DENND1A: variants seen among roughly 807,000 people sequenced by gnomAD.
The protein encoded by DENND1A is DENN domain-containing protein 1A.
DENND1A carries 51 observed loss-of-function variants against 113.7 expected under a neutral mutation model. The observed-to-expected ratio is 0.45, with a 90% CI of 0.36 to 0.57. The LOEUF (loss-of-function observed/expected upper bound fraction) is 0.57, where lower values mean the gene tolerates loss of function less well. Among genes scored for constraint, DENND1A ranks in the 20% least tolerant of loss-of-function variants. The pLI is 0.00. For synonymous variants in DENND1A, 565 were observed against 570.8 expected, an observed-to-expected ratio of 0.99 and a Z score of 0.14; for missense variants, 1,258 against 1,395.9, an observed-to-expected ratio of 0.90 and a Z score of 1.57.
At chr9:123,730,585 T>C (rs2068089225) in intron 5 of DENND1A, among the ~76,000 whole-genome samples, 1 of 152,074 alleles carries the variant, frequency 6.6e-6, no homozygotes, top group African/African-American at 2.4e-5. Flanking sequence ...AGAATGGCAA[T>C]CATTAAAAAG....
intron 9 of DENND1A, among the ~76,000 whole-genome samples, chr9:123,639,039 T>TAAAAAAAAAAAAAAAAAAAA (rs750972974): frequency 1.0e-3 from 33 of 32,090 alleles, no homozygotes; most frequent in Admixed American, 1.5e-3. Flanking sequence ...GCATGAGTAG[T>TAAAAAAAAAAAAAAAAAAAA]AAAAAAAAAA....
At chr9:123,604,705 A>C (rs770616256) in intron 11 of DENND1A, among the ~76,000 whole-genome samples, 33 of 152,222 alleles carry the variant, frequency 2.2e-4, no homozygotes, top group Non-Finnish European at 3.5e-4. Context: ...TGTCACTCCC[A>C]AGCCTGGTAC....
At chr9:123,784,590 G>T (rs1831826469) in intron 3 of DENND1A, among the ~76,000 whole-genome samples, 1 of 152,170 alleles carries the variant, frequency 6.6e-6, no homozygotes, top group African/African-American at 2.4e-5. Context: ...TAACTTACTA[G>T]AAACAAGACC....
chr9:123,687,620 G>T (rs1050120642), intron 5 of DENND1A, among the ~76,000 whole-genome samples: 1 of 152,226 alleles, frequency 6.6e-6, no homozygotes, highest in Non-Finnish European at 1.5e-5. Flanking sequence ...TGGCAACAAA[G>T]ACAGACGGGA....
intron 12 of DENND1A, among the ~76,000 whole-genome samples, chr9:123,559,303 T>C (rs557847982): frequency 5.9e-5 from 9 of 152,248 alleles, no homozygotes; most frequent in Non-Finnish European, 1.2e-4. Flanking sequence ...TAATGATTGG[T>C]TTTAAGCATG....
At chr9:123,859,293 T>C (rs1469779259) in intron 2 of DENND1A, among the ~76,000 whole-genome samples, 1 of 152,098 alleles carries the variant, frequency 6.6e-6, no homozygotes, top group Non-Finnish European at 1.5e-5. Context: ...CATGAACACT[T>C]TCTCTTCATT....
chr9:123,475,169 C>T (rs1393807833), intron 13 of DENND1A, among the ~76,000 whole-genome samples: 2 of 152,114 alleles, frequency 1.3e-5, no homozygotes, highest in Non-Finnish European at 2.9e-5. Context: ...CAGGCGCCCG[C>T]CAACACGCCC....
At chr9:123,410,515 G>A (rs557007403) in intron 20 of DENND1A, among the ~76,000 whole-genome samples, 6 of 152,276 alleles carry the variant, frequency 3.9e-5, no homozygotes, top group Middle Eastern at 3.4e-3. Flanking sequence ...GACTCGCGAC[G>A]GTCACAGGGG....
At chr9:123,497,832 G>GA (rs1490487042) in intron 13 of DENND1A, among the ~76,000 whole-genome samples, 10 of 111,178 alleles carry the variant, frequency 9.0e-5, no homozygotes, top group South Asian at 6.0e-4. Flanking sequence ...AAAAAAAAAA[G>GA]AAAAAATCTA....
chr9:123,810,068 T>A (rs548311345), intron 2 of DENND1A, among the ~76,000 whole-genome samples: 69 of 152,362 alleles, frequency 4.5e-4, no homozygotes, highest in African/African-American at 1.4e-3. Flanking sequence ...TCCCTCTTGC[T>A]ATTAATGTAA....
intron 5 of DENND1A, among the ~76,000 whole-genome samples, chr9:123,728,654 C>T (rs2067928428): frequency 6.6e-6 from 1 of 151,916 alleles, no homozygotes; most frequent in African/African-American, 2.4e-5. Context: ...ACTAGAATAG[C>T]TAAGACTATT....
At chr9:123,448,726 T>C (rs1181782913) in intron 18 of DENND1A, among the ~76,000 whole-genome samples, 1 of 152,224 alleles carries the variant, frequency 6.6e-6, no homozygotes, top group African/African-American at 2.4e-5. Flanking sequence ...GAGCTTTTAT[T>C]TCAGGATGTG....
At chr9:123,563,783 G>A (rs1337102855) in intron 12 of DENND1A, among the ~76,000 whole-genome samples, 4 of 152,024 alleles carry the variant, frequency 2.6e-5, no homozygotes, top group Non-Finnish European at 4.4e-5. Flanking sequence ...AATATTTAAG[G>A]CCTGTTATGG....
chr9:123,470,915 C>T (rs769409939), intron 13 of DENND1A, among the ~76,000 whole-genome samples: 15 of 152,162 alleles, frequency 9.9e-5, no homozygotes, highest in South Asian at 2.1e-4. Flanking sequence ...GCCTGGTACA[C>T]AGGAGACTTC....
At chr9:123,778,560 C>G (rs1830782305) in intron 3 of DENND1A, among the ~76,000 whole-genome samples, 1 of 152,154 alleles carries the variant, frequency 6.6e-6, no homozygotes, top group Non-Finnish European at 1.5e-5. Context: ...AAGGAAGGAG[C>G]CGGCAAACTT....
chr9:123,477,618 G>A (rs1257930859), intron 13 of DENND1A, among the ~76,000 whole-genome samples: 1 of 151,956 alleles, frequency 6.6e-6, no homozygotes, highest in Non-Finnish European at 1.5e-5. Flanking sequence ...GATAGCATTA[G>A]GGAAAAGAGC....
intron 5 of DENND1A, among the ~76,000 whole-genome samples, chr9:123,685,332 G>A (rs536374499): frequency 7.9e-5 from 12 of 152,300 alleles, no homozygotes; most frequent in African/African-American, 2.4e-4. Context: ...ATCTCAAACT[G>A]TAAATTGATT....
intron 13 of DENND1A, among the ~76,000 whole-genome samples, chr9:123,509,806 C>T (rs1009395720): frequency 6.6e-6 from 1 of 152,186 alleles, no homozygotes; most frequent in Non-Finnish European, 1.5e-5. Flanking sequence ...ACACTTCTTT[C>T]CCCCACCCTT....
intron 19 of DENND1A, among the ~76,000 whole-genome samples, chr9:123,428,860 A>G (rs2045931875): frequency 6.6e-6 from 1 of 152,198 alleles, no homozygotes; most frequent in Non-Finnish European, 1.5e-5. Context: ...CTTCAAGGAG[A>G]ACCACAAACC....
Sources: allele counts gnomAD v4.1 joint callset (sites outside exome capture counted in the v4.1 genomes callset), GRCh38; gene constraint gnomAD v4.1.1; transcripts MANE v1.5; gene names NCBI Gene and HGNC (gene_info 2026-07-23, HGNC 2026-07-21).